PUM2: variants seen among roughly 807,000 people sequenced by gnomAD.
PUM2 encodes pumilio RNA binding family member 2.
A neutral mutation model predicts 124.5 loss-of-function variants in PUM2; 57 were observed. The ratio of observed to expected loss-of-function variants is 0.46; its 90% confidence interval spans 0.37 to 0.57. The LOEUF (loss-of-function observed/expected upper bound fraction) is 0.57. PUM2 is among the 20% of genes least tolerant of loss of function. PUM2 has a pLI of 0.00. For missense variants in PUM2, 1,065 were observed against 1,290.6 expected, an observed-to-expected ratio of 0.83 and a Z score of 2.68; for synonymous variants, 460 against 446.1, an observed-to-expected ratio of 1.03 and a Z score of -0.39.
At chr2:20,346,342 A>G (rs1230534319) in intron 1 of PUM2, among the ~76,000 whole-genome samples, 1 of 152,188 alleles carries the variant, frequency 6.6e-6, no homozygotes, top group Non-Finnish European at 1.5e-5. Context: ...GGTCAAGAAA[A>G]TGGAAGATAC....
intron 3 of PUM2, among the ~76,000 whole-genome samples, chr2:20,313,250 A>G (rs1428812495): frequency 1.3e-5 from 2 of 152,360 alleles, no homozygotes; most frequent in South Asian, 2.1e-4. Flanking sequence ...AGCAAGATAA[A>G]CTATCATCAG....
intron 7 of PUM2, among the ~76,000 whole-genome samples, chr2:20,303,933 A>G (rs1169993976): frequency 6.6e-6 from 1 of 152,118 alleles, no homozygotes; most frequent in Non-Finnish European, 1.5e-5. Context: ...TCTTTGCACA[A>G]CTTTAAAGTT....
Position 20,328,101 on chromosome 2 carries a change from G to A in PUM2, c.-18-723C>T, listed in dbSNP as rs1223629944. On this transcript the variant is annotated intron_variant, in intron 1 of 20. Coordinates refer to ENST00000361078, the MANE Select transcript of PUM2 (RefSeq NM_015317.5). ...TATAATCTCAGCACTTTGGGAGACC[G>A]AGGTGGGTGATCACTTGAGGTCAAG... is the stretch of plus-strand genomic sequence containing the variant. Among the ~76,000 whole-genome samples the A allele has an allele frequency of 4.6e-5, 7 of 152,150 alleles. No individual in the cohort carries two copies. In the South Asian group the frequency reaches 1.0e-3, roughly 23 times the overall value.
chr2:20,326,217 C>T, intron 2 of PUM2: 1 of 1,275,286 alleles, frequency 7.8e-7, no homozygotes, highest in South Asian at 1.3e-5. Context: ...ACTGGTCTAA[C>T]AAATTTATTT....
At chr2:20,277,778 C>T (rs1670594020) in intron 13 of PUM2, among the ~76,000 whole-genome samples, 1 of 152,032 alleles carries the variant, frequency 6.6e-6, no homozygotes, top group African/African-American at 2.4e-5. Flanking sequence ...AATAGAATCC[C>T]TCAGTTTCAG....
chr2:20,257,827 T>A (rs1665179834), intron 16 of PUM2, among the ~76,000 whole-genome samples: 1 of 152,218 alleles, frequency 6.6e-6, no homozygotes, highest in Non-Finnish European at 1.5e-5. Flanking sequence ...TCTGCTGGGC[T>A]ATATTTTTAA....
At chr2:20,264,367 A>T (rs6737519) in intron 13 of PUM2, among the ~76,000 whole-genome samples, 391 of 26,174 alleles carry the variant, frequency 0.015, 5 homozygotes, top group Non-Finnish European at 0.018. Flanking sequence ...AAAAAAAAAA[A>T]ATATATATAT....
intron 19 of PUM2, among the ~76,000 whole-genome samples, chr2:20,254,630 G>A (rs369053321): frequency 2.0e-5 from 3 of 152,144 alleles, no homozygotes; most frequent in Admixed American, 6.5e-5. Context: ...TTCCAGTGTC[G>A]GGAGTAATTA....
chr2:20,325,036 C>CA (rs1230854499), intron 2 of PUM2, among the ~76,000 whole-genome samples: 1 of 147,758 alleles, frequency 6.8e-6, no homozygotes, highest in African/African-American at 2.5e-5. Flanking sequence ...ATAACAAAAA[C>CA]AAAAAAACCT....
intron 9 of PUM2, among the ~76,000 whole-genome samples, chr2:20,292,512 G>A (rs1014705286): frequency 1.3e-5 from 2 of 152,058 alleles, no homozygotes; most frequent in African/African-American, 4.8e-5. Flanking sequence ...ACAGGCGCAC[G>A]CCACCACGCT....
chr2:20,303,968 G>A (rs185060606), intron 7 of PUM2, among the ~76,000 whole-genome samples: 5 of 146,138 alleles, frequency 3.4e-5, no homozygotes, highest in African/African-American at 7.6e-5. Flanking sequence ...AGAACTCTGC[G>A]ACATGTTTTC....
chr2:20,338,312 G>A (rs975579565), intron 1 of PUM2, among the ~76,000 whole-genome samples: 3 of 152,108 alleles, frequency 2.0e-5, no homozygotes, highest in Non-Finnish European at 4.4e-5. Context: ...CAAGAGAATC[G>A]CTTGAACCCA....
intron 13 of PUM2, among the ~76,000 whole-genome samples, chr2:20,268,420 T>C (rs1668215762): frequency 6.6e-6 from 1 of 152,162 alleles, no homozygotes; most frequent in South Asian, 2.1e-4. Flanking sequence ...AAGACCAGCC[T>C]GGCCAACACA....
intron 7 of PUM2, among the ~76,000 whole-genome samples, chr2:20,305,274 C>T (rs1229030601): frequency 6.6e-6 from 1 of 151,692 alleles, no homozygotes; most frequent in African/African-American, 2.4e-5. Flanking sequence ...TACTTGAGCC[C>T]AGGAGTTCGA....
At chr2:20,277,768 A>G (rs2148822520) in intron 13 of PUM2, among the ~76,000 whole-genome samples, 1 of 152,284 alleles carries the variant, frequency 6.6e-6, no homozygotes, top group South Asian at 2.1e-4. Context: ...AAAAGCTGGC[A>G]ATAGAATCCC....
At chr2:20,322,098 C>A (rs1682519352) in intron 2 of PUM2, among the ~76,000 whole-genome samples, 1 of 152,090 alleles carries the variant, frequency 6.6e-6, no homozygotes, top group Admixed American at 6.5e-5. Context: ...AATCCCAAGA[C>A]TTAAAAGGAT....
At chr2:20,343,622 TTGGGCATGG>T (rs1687649140) in intron 1 of PUM2, among the ~76,000 whole-genome samples, 1 of 152,082 alleles carries the variant, frequency 6.6e-6, no homozygotes, top group Admixed American at 6.5e-5. Flanking sequence ...GAAATTTCTG[TTGGGCATGG>T]TGGCTTGGAC....
chr2:20,336,197 G>T (rs1371617387), intron 1 of PUM2, among the ~76,000 whole-genome samples: 3 of 150,580 alleles, frequency 2.0e-5, no homozygotes, highest in East Asian at 3.9e-4. Context: ...TTTTTTGTTT[G>T]TTTTTTTTTG....
chr2:20,266,382 T>C (rs1423262945), intron 13 of PUM2, among the ~76,000 whole-genome samples: 1 of 151,168 alleles, frequency 6.6e-6, no homozygotes, highest in Non-Finnish European at 1.5e-5. Context: ...GAGGCAGAGG[T>C]TGCAATGAGA....
Sources: allele counts gnomAD v4.1 joint callset (sites outside exome capture counted in the v4.1 genomes callset), GRCh38; gene constraint gnomAD v4.1.1; transcripts MANE v1.5; gene names NCBI Gene and HGNC (gene_info 2026-07-23, HGNC 2026-07-21).